Variants in MAST4 observed in about 807,000 individuals in gnomAD.
The protein encoded by MAST4 is microtubule associated serine/threonine kinase family member 4, also known as microtubule-associated serine/threonine-protein kinase 4.
MAST4 carries 89 observed loss-of-function variants against 162.7 expected under a neutral mutation model. The observed-to-expected ratio is 0.55, with a 90% CI of 0.46 to 0.65. The LOEUF (loss-of-function observed/expected upper bound fraction) is 0.65. Ranked by LOEUF, MAST4 falls within the 30% of genes least tolerant of loss-of-function variation. MAST4 has a pLI of 0.00. For missense variants in MAST4, 3,153 were observed against 3,374.0 expected (o/e 0.93, Z 1.62); for synonymous variants, 1,479 against 1,361.1 (o/e 1.09, Z -1.91).
Position 67,167,253 on chromosome 5 carries a change from T to A in MAST4, c.*202T>A. ...TGTAACCGGTAAAACTGTTACCAGA[T>A]AGTGTTTGTACAAAAAAAAAAAAAA... On this transcript the variant is annotated 3_prime_UTR_variant, in exon 29 of 29. Transcript: ENST00000403625. 5.3e-6 allele frequency: 1 copy of A among 187,918 alleles called. No individual in the cohort carries two copies. Among genetic ancestry groups the A allele is most frequent in the Non-Finnish European group, 8.9e-6 (1 of 111,886 alleles). 11.6% of individuals were successfully genotyped at this position (187,918 alleles called of 1,614,324 possible).
intron 2 of MAST4, among the ~76,000 whole-genome samples, chr5:66,775,537 G>A (rs1225648531): frequency 1.3e-5 from 2 of 152,214 alleles, no homozygotes; most frequent in African/African-American, 2.4e-5. Flanking sequence ...AGGCAGTCAT[G>A]ATGCTAATCT....
At chr5:67,011,335 C>G (rs764299766) in intron 4 of MAST4, among the ~76,000 whole-genome samples, 46 of 152,272 alleles carry the variant, frequency 3.0e-4, no homozygotes, top group Middle Eastern at 6.8e-3. Flanking sequence ...TCCCTGAGTC[C>G]CTGAGCCCAT....
chr5:66,995,424 G>T (rs1750517803), intron 4 of MAST4, among the ~76,000 whole-genome samples: 1 of 152,094 alleles, frequency 6.6e-6, no homozygotes, highest in South Asian at 2.1e-4. Context: ...TTGTTTTTGA[G>T]ACAGAGTCTC....
chr5:66,780,608 G>C (rs149013926), intron 2 of MAST4, among the ~76,000 whole-genome samples: 1 of 152,192 alleles, frequency 6.6e-6, no homozygotes, highest in African/African-American at 2.4e-5. Flanking sequence ...CTTCCACAGT[G>C]TGAAAAGGGA....
chr5:66,659,445 C>T (rs1746764156), intron 1 of MAST4, among the ~76,000 whole-genome samples: 1 of 152,176 alleles, frequency 6.6e-6, no homozygotes, highest in African/African-American at 2.4e-5. Flanking sequence ...TTTGTAAACA[C>T]ATGTTAAAGT....
At chr5:67,043,618 A>T (rs1757024926) in intron 4 of MAST4, among the ~76,000 whole-genome samples, 1 of 152,222 alleles carries the variant, frequency 6.6e-6, no homozygotes, top group Non-Finnish European at 1.5e-5. Context: ...AAGTAATTTT[A>T]ACAGTAGGAC....
intron 1 of MAST4, among the ~76,000 whole-genome samples, chr5:66,741,806 C>G (rs1395864866): frequency 6.6e-6 from 1 of 152,148 alleles, no homozygotes; most frequent in African/African-American, 2.4e-5. Context: ...TGTGCTTCAC[C>G]AGCCAGGCCA....
At chr5:67,133,679 A>T (rs572792756) in intron 17 of MAST4, 33 bp downstream of exon 17, 2 of 1,610,038 alleles carry the variant, frequency 1.2e-6, no homozygotes, top group Non-Finnish European at 1.7e-6. Flanking sequence ...TTATTGAGAA[A>T]TACAAAGTAT....
intron 1 of MAST4, among the ~76,000 whole-genome samples, chr5:66,603,597 C>T (rs1468151845): frequency 6.6e-6 from 1 of 152,220 alleles, no homozygotes; most frequent in Non-Finnish European, 1.5e-5. Flanking sequence ...GAGGGGAAAT[C>T]TGTTAGGAAT....
At chr5:66,864,369 G>C (rs1372721064) in intron 3 of MAST4, among the ~76,000 whole-genome samples, 1 of 152,076 alleles carries the variant, frequency 6.6e-6, no homozygotes, top group Non-Finnish European at 1.5e-5. Context: ...GAGAGGTTTG[G>C]GAACAGCGCA....
chr5:67,019,385 A>G (rs945850090), intron 4 of MAST4, among the ~76,000 whole-genome samples: 3 of 152,188 alleles, frequency 2.0e-5, no homozygotes, highest in Admixed American at 6.5e-5. Flanking sequence ...CTCTCTTGAA[A>G]TGCTCCCTTT....
intron 4 of MAST4, among the ~76,000 whole-genome samples, chr5:66,948,631 C>T (rs146764086): frequency 6.6e-6 from 1 of 152,238 alleles, no homozygotes; most frequent in East Asian, 1.9e-4. Context: ...AAAATGCCAT[C>T]TGTGTCCACT....
At chr5:66,665,284 C>T (rs6895638) in intron 1 of MAST4, among the ~76,000 whole-genome samples, 1 of 152,074 alleles carries the variant, frequency 6.6e-6, no homozygotes, top group Non-Finnish European at 1.5e-5. Flanking sequence ...GGAGGGAGAC[C>T]AGTGGAACAA....
chr5:66,870,467 A>G (rs1760846514), intron 3 of MAST4, among the ~76,000 whole-genome samples: 1 of 152,222 alleles, frequency 6.6e-6, no homozygotes, highest in Admixed American at 6.5e-5. Flanking sequence ...AGTATTTTTG[A>G]AATACAGACA....
chr5:66,639,914 TA>T (rs1324735554), intron 1 of MAST4, among the ~76,000 whole-genome samples: 6 of 152,344 alleles, frequency 3.9e-5, no homozygotes, highest in Admixed American at 3.9e-4. Flanking sequence ...TTGATATATC[TA>T]TCATCTCACA....
At chr5:66,661,819 G>A (rs80010395) in intron 1 of MAST4, among the ~76,000 whole-genome samples, 2,411 of 152,264 alleles carry the variant, frequency 0.016, 66 homozygotes, top group African/African-American at 0.054. Context: ...TAACCAAAGG[G>A]TACACTCTGA....
chr5:66,859,809 A>G (rs1759964195), intron 3 of MAST4, among the ~76,000 whole-genome samples: 1 of 152,250 alleles, frequency 6.6e-6, no homozygotes, highest in African/African-American at 2.4e-5. Context: ...ATGGCAGAAG[A>G]GAGTGCCGTG....
chr5:66,608,971 T>A (rs752928323), intron 1 of MAST4, among the ~76,000 whole-genome samples: 1 of 152,182 alleles, frequency 6.6e-6, no homozygotes, highest in African/African-American at 2.4e-5. Context: ...TAGAAGATAT[T>A]GTTCTAGATG....
At chr5:67,078,703 TA>T (rs1193143263) in intron 5 of MAST4, among the ~76,000 whole-genome samples, 1 of 137,212 alleles carries the variant, frequency 7.3e-6, no homozygotes, top group Admixed American at 7.8e-5. Flanking sequence ...TATATTTATA[TA>T]TAATATTTAT....
Sources: gnomAD v4.1 joint callset for allele counts (sites outside exome capture counted in the v4.1 genomes callset) on GRCh38, gnomAD v4.1.1 for gene constraint, MANE v1.5 for transcripts, NCBI Gene and HGNC (gene_info 2026-07-23, HGNC 2026-07-21) for gene names.